Variants in PCDHGA3 observed in about 807,000 individuals in gnomAD.
The protein encoded by PCDHGA3 is protocadherin gamma subfamily A, 3, also known as protocadherin gamma-A3.
A neutral mutation model predicts 58.5 loss-of-function variants in PCDHGA3; 40 were observed. The observed-to-expected ratio is 0.68, with a 90% CI of 0.53 to 0.89. PCDHGA3 has a LOEUF of 0.89. PCDHGA3 is among the 40% of genes least tolerant of loss of function. The probability of loss-of-function intolerance (pLI) is 0.00; values close to 1 mark genes in which losing one functional copy is unlikely to be tolerated. For missense variants in PCDHGA3, 1,223 were observed against 1,195.9 expected (o/e 1.02, Z -0.33); for synonymous variants, 530 against 525.7 (o/e 1.01, Z -0.11).
At chr5:141,433,085 G>A in intron 1 of PCDHGA3, 1 of 1,614,170 alleles carries the variant, frequency 6.2e-7, no homozygotes, top group Non-Finnish European at 8.5e-7. Flanking sequence ...GCCCAACTAT[G>A]CAGACATGCT....
At chr5:141,466,280 C>T (rs1181499549) in intron 1 of PCDHGA3, among the ~76,000 whole-genome samples, 1 of 152,142 alleles carries the variant, frequency 6.6e-6, no homozygotes, top group Admixed American at 6.6e-5. Flanking sequence ...AAGCAATCTT[C>T]CCACCTCAGG....
intron 1 of PCDHGA3, chr5:141,350,891 G>A (rs780126107): frequency 1.2e-6 from 2 of 1,614,036 alleles, no homozygotes; most frequent in Non-Finnish European, 1.7e-6. Context: ...AATCCTGACT[G>A]CCATGGATGG....
At chr5:141,421,267 C>T in intron 1 of PCDHGA3, 1 of 1,611,374 alleles carries the variant, frequency 6.2e-7, no homozygotes, top group Non-Finnish European at 8.5e-7. Flanking sequence ...CAGTCGGCTG[C>T]TGCTGCTGCT....
At chr5:141,404,110 C>G (rs1283800962) in intron 1 of PCDHGA3, 1 of 1,613,336 alleles carries the variant, frequency 6.2e-7, no homozygotes, top group South Asian at 1.1e-5. Context: ...TCTGTTCTAT[C>G]CAGGAGAATC....
Position 141,344,370 on chromosome 5 carries a change from A to G in PCDHGA3, c.337A>G (p.Lys113Glu), listed in dbSNP as rs1757409142. The change falls in exon 1 of 4, where the codon AAA becomes GAA. Residue 113 changes from lysine (K) to glutamate (E), a missense_variant. Lys to Glu is a moderately conservative substitution (Grantham distance 56). Coordinates refer to ENST00000253812, the MANE Select transcript of PCDHGA3 (RefSeq NM_018916.4). Reference protein sequence around the residue: ...LVKINILVEDKLKIFEVEIEI... With the variant: ...LVKINILVEDELKIFEVEIEI... ...AAAAATTAACATTCTGGTTGAGGAT[A>G]AATTGAAAATTTTTGAAGTAGAAAT... 1.9e-6 allele frequency: 3 copies of G among 1,613,416 alleles called. No individual in the cohort carries two copies. Among genetic ancestry groups the G allele is most frequent in the Non-Finnish European group, 1.7e-6 (2 of 1,179,754 alleles).
At chr5:141,450,796 G>GTATT (rs1490825772) in intron 1 of PCDHGA3, among the ~76,000 whole-genome samples, 8 of 145,976 alleles carry the variant, frequency 5.5e-5, no homozygotes, top group African/African-American at 1.8e-4. Flanking sequence ...CCTCATGATT[G>GTATT]TATTTATTTA....
At chr5:141,350,905 G>C in intron 1 of PCDHGA3, 2 of 1,614,058 alleles carry the variant, frequency 1.2e-6, no homozygotes, top group Non-Finnish European at 1.7e-6. Flanking sequence ...TGGATGGCGG[G>C]GACCCGCCTC....
intron 1 of PCDHGA3, chr5:141,372,267 G>A (rs763070594): frequency 6.2e-7 from 1 of 1,613,174 alleles, no homozygotes; most frequent in Non-Finnish European, 8.5e-7. Flanking sequence ...GCGCACGGGT[G>A]AGGTGCGCAC....
intron 1 of PCDHGA3, among the ~76,000 whole-genome samples, chr5:141,464,286 A>AT (rs1453289283): frequency 6.6e-6 from 1 of 151,420 alleles, no homozygotes; most frequent in African/African-American, 2.4e-5. Flanking sequence ...AAGCAAAAAA[A>AT]AAAACTCCAT....
intron 1 of PCDHGA3, chr5:141,370,419 G>C (rs1219315187): frequency 3.8e-6 from 6 of 1,572,938 alleles, no homozygotes; most frequent in African/African-American, 1.4e-5. Context: ...CGGATGGAGG[G>C]GCCCAGCAGG....
intron 3 of PCDHGA3, among the ~76,000 whole-genome samples, chr5:141,509,450 C>A (rs2099876883): frequency 6.6e-6 from 1 of 152,128 alleles, no homozygotes; most frequent in Non-Finnish European, 1.5e-5. Context: ...CCTCTCCCAC[C>A]CCCGACCCAG....
At chr5:141,437,832 G>A (rs929534984) in intron 1 of PCDHGA3, among the ~76,000 whole-genome samples, 2 of 151,794 alleles carry the variant, frequency 1.3e-5, no homozygotes, top group Admixed American at 1.3e-4. Context: ...CTGCCTCCTG[G>A]GTTCATGCTA....
At chr5:141,458,730 C>T (rs1239174331) in intron 1 of PCDHGA3, among the ~76,000 whole-genome samples, 1 of 151,928 alleles carries the variant, frequency 6.6e-6, no homozygotes, top group Non-Finnish European at 1.5e-5. Flanking sequence ...CCACCACATC[C>T]AGCTATTGGT....
intron 1 of PCDHGA3, chr5:141,428,390 C>T (rs1043799152): frequency 8.0e-5 from 40 of 502,004 alleles, no homozygotes; most frequent in African/African-American, 6.6e-4. Context: ...TCTTCCAGCC[C>T]CTCTGCCTGG....
Position 141,485,448 on chromosome 5 carries a change from G to A in PCDHGA3, c.2425-9359G>A. On this transcript the variant is annotated intron_variant, in intron 1 of 3. Coordinates refer to ENST00000253812, the MANE Select transcript of PCDHGA3 (RefSeq NM_018916.4). This position sits in a 1 kb window ranked among gnomAD's most constrained non-coding sequence, Gnocchi z 5.7. ...CTGCTCATCAAGAACCCAATCGACC[G>A]AGAGGCACTGTGTGGGCTCAGTGCC... is the stretch of plus-strand genomic sequence containing the variant. 1 of 1,614,154 alleles carries A rather than the reference G, an allele frequency of 6.2e-7. No homozygotes were observed.
At chr5:141,424,748 A>G (rs1218712198) in intron 1 of PCDHGA3, 3 of 152,034 alleles carry the variant, frequency 2.0e-5, no homozygotes, top group African/African-American at 4.8e-5. Flanking sequence ...TTCTTTCTTT[A>G]TAAGGTCATT....
At chr5:141,500,930 G>A (rs1300719832) in intron 2 of PCDHGA3, among the ~76,000 whole-genome samples, 4 of 151,824 alleles carry the variant, frequency 2.6e-5, no homozygotes, top group Admixed American at 6.6e-5. Context: ...GTGCAGTGGC[G>A]CCATCTCGGC....
At chr5:141,415,395 CGGCTCGCACTTT>C (rs2095864519) in intron 1 of PCDHGA3, 2 of 1,614,092 alleles carry the variant, frequency 1.2e-6, no homozygotes. Flanking sequence ...CAGGTGTGTC[CGGCTCGCACTTT>C]GTGGGCGTGG....
intron 1 of PCDHGA3, among the ~76,000 whole-genome samples, chr5:141,448,083 T>C (rs1020024755): frequency 2.6e-5 from 4 of 151,368 alleles, no homozygotes; most frequent in African/African-American, 9.7e-5. Context: ...CGAAATGCCA[T>C]CTTAAAAAAA....
Sources: gnomAD v4.1 joint callset for allele counts (sites outside exome capture counted in the v4.1 genomes callset) on GRCh38, gnomAD v4.1.1 for gene constraint, Gnocchi (gnomAD v3.1) non-coding constraint, MANE v1.5 for transcripts, NCBI Gene and HGNC (gene_info 2026-07-23, HGNC 2026-07-21) for gene names.